TIE1: variants seen among roughly 807,000 people sequenced by gnomAD.
TIE1 encodes the protein tyrosine kinase with immunoglobulin like and EGF like domains 1.
Under a neutral mutation model 130.5 loss-of-function variants are expected in TIE1, and 89 were observed. That is an observed-to-expected ratio of 0.68 (90% confidence interval 0.57 to 0.81). TIE1 has a LOEUF of 0.81. Among genes scored for constraint, TIE1 ranks in the 40% least tolerant of loss-of-function variants. TIE1 has a pLI of 0.00. For synonymous variants in TIE1, 568 were observed against 629.4 expected (o/e 0.90, Z 1.46); for missense variants, 1,392 against 1,559.8 (o/e 0.89, Z 1.81).
chr1:43,307,623 C>T lies in TIE1; in HGVS notation c.913+51C>T. The T allele has an allele frequency of 6.2e-7, 1 of 1,612,636 alleles. No individual in the cohort carries two copies. On this transcript the variant is annotated intron_variant, in intron 6 of 22. Transcript: ENST00000372476. This position sits in a 1 kb window ranked among gnomAD's most constrained non-coding sequence, Gnocchi z 5.4. Reference sequence around the variant, plus strand: ...CCTGACCAAGACAGCTGGCCAGGAGCTTGACCCGGACCCTCCACTCTGCCT... The same window carrying T: ...CCTGACCAAGACAGCTGGCCAGGAGTTTGACCCGGACCCTCCACTCTGCCT...
Position 43,311,828 on chromosome 1 carries a change from G to T in TIE1, c.1491G>T (p.Val497=), listed in dbSNP as rs756232722. The T allele has an allele frequency of 6.2e-7, 1 of 1,612,632 alleles. No individual in the cohort carries two copies. The highest frequency in any genetic ancestry group is 8.5e-7 in the Non-Finnish European group (1 of 1,179,182). Reference sequence around the variant, plus strand: ...GTACCATGGACTGGTCGACCATTGTGGGTGAGTAGGGAGAGAGCTGGGGCA... The same window carrying T: ...GTACCATGGACTGGTCGACCATTGTTGGTGAGTAGGGAGAGAGCTGGGGCA... The part of the protein sequence containing the change: ...QDSTMDWSTI[V]VDPSENVTLM... Residue 497 remains valine (V), a splice_region_variant and synonymous_variant, in exon 10 of 23, where the codon GTG becomes GTT. Transcript: ENST00000372476.
rs770612662 is a variant in TIE1, at chr1:43,316,155, G to A, written c.2410-1044G>A. Among the ~76,000 whole-genome samples, 29 of 152,208 alleles carry A rather than the reference G, an allele frequency of 1.9e-4. No homozygotes were observed. Among genetic ancestry groups the A allele is most frequent in the Non-Finnish European group, 3.2e-4 (22 of 68,032 alleles). On this transcript the variant is annotated intron_variant, in intron 14 of 22. Coordinates refer to ENST00000372476, the MANE Select transcript of TIE1 (RefSeq NM_005424.5). The surrounding 1 kb of genome is among the most constrained non-coding windows in gnomAD (Gnocchi z 4.4). ...GTGTGCTCCATGTATGAGTGCACACGTGCATCCCCTGTGAGTGCCACATGT... is the reference window on the plus strand; with the variant it reads ...GTGTGCTCCATGTATGAGTGCACACATGCATCCCCTGTGAGTGCCACATGT...
chr1:43,302,221 C>T (rs1646677628), intron 1 of TIE1, among the ~76,000 whole-genome samples: 1 of 152,204 alleles, frequency 6.6e-6, no homozygotes, highest in Non-Finnish European at 1.5e-5. Flanking sequence ...AGGCTGGCAA[C>T]ACCTAGTCTG....
At position 43,317,965 on chromosome 1, in the gene TIE1, C is replaced by G; in HGVS notation, c.2815C>G (p.Pro939Ala). Residue 939 changes from proline (P) to alanine (A), a missense_variant, in exon 17 of 23, where the codon CCA becomes GCA. By Grantham distance (27) the Pro-to-Ala change is conservative. Coordinates refer to ENST00000372476, the MANE Select transcript of TIE1 (RefSeq NM_005424.5). The surrounding 1 kb of genome is among the most constrained non-coding windows in gnomAD (Gnocchi z 5.1). ...LRKSRVLETD[P>A]AFAREHGTAS... ...GAAAAGCCGGGTCCTAGAGACTGAC[C>G]CAGCTTTTGCTCGAGAGCATGGGAC... 6.2e-7 allele frequency: 1 copy of G among 1,613,358 alleles called. No homozygotes were observed. Among genetic ancestry groups the G allele is most frequent in the African/African-American group, 1.3e-5 (1 of 75,030 alleles).
rs373190618 is a variant in TIE1 at position 43,313,739 on chromosome 1, C to G, written c.2219-39C>G. The G allele has an allele frequency of 1.3e-6, 2 of 1,576,992 alleles. No homozygotes were observed. The highest frequency in any genetic ancestry group is 1.7e-6 in the Non-Finnish European group (2 of 1,159,806). On this transcript the variant is annotated intron_variant, in intron 13 of 22. Coordinates refer to ENST00000372476, the MANE Select transcript of TIE1 (RefSeq NM_005424.5). The surrounding 1 kb of genome is among the most constrained non-coding windows in gnomAD (Gnocchi z 6.2). ...CATGGTGGCCTCTGGGTTCCCTGAC[C>G]CAGGTGTCCCCACAATCTGCCCCTC... is the stretch of plus-strand genomic sequence containing the variant.
chr1:43,319,324 G>T lies in TIE1; in HGVS notation c.3012G>T (p.Glu1004Asp), dbSNP rs1230248743. The T allele has an allele frequency of 6.2e-7, 1 of 1,614,068 alleles. No homozygotes were observed. The highest frequency in any genetic ancestry group is 8.5e-7 in the Non-Finnish European group (1 of 1,179,978). The part of the protein sequence containing the change: ...KIADFGLSRG[E>D]EVYVKKTMGR... The stretch of plus-strand genomic sequence containing the variant: ...CAGACTTCGGCCTTTCTCGGGGAGA[G>T]GAGGTTTATGTGAAGAAGACGATGG... Residue 1004 changes from glutamate to aspartate, a missense_variant, in exon 18 of 23, where the codon GAG becomes GAT. By Grantham distance (45) the Glu-to-Asp change is conservative. Around this residue, in one of 6 missense-constraint regions of TIE1, gnomAD observed 286 missense variants for 354.4 expected, o/e 0.81. Coordinates refer to ENST00000372476, the MANE Select transcript of TIE1 (RefSeq NM_005424.5). The surrounding 1 kb of genome is among the most constrained non-coding windows in gnomAD (Gnocchi z 4.7).
Position 43,312,299 on chromosome 1 carries a change from C to T in TIE1, c.1631-6C>T. 6.5e-7 allele frequency: 1 copy of T among 1,545,310 alleles called. No homozygotes were observed. Among genetic ancestry groups the T allele is most frequent in the Non-Finnish European group, 8.7e-7 (1 of 1,143,908 alleles). On this transcript the variant is annotated splice_polypyrimidine_tract_variant and splice_region_variant and intron_variant, in intron 11 of 22. Coordinates refer to ENST00000372476, the MANE Select transcript of TIE1 (RefSeq NM_005424.5). The surrounding 1 kb of genome is among the most constrained non-coding windows in gnomAD (Gnocchi z 5.6). ...GACAGTTCTGACCCCTGACCTCTGGCCCCAGAGCCTTTGTTGCAGCCGTGG... is the reference window on the plus strand; with the variant it reads ...GACAGTTCTGACCCCTGACCTCTGGTCCCAGAGCCTTTGTTGCAGCCGTGG...
At chr1:43,305,446 C>A in intron 3 of TIE1, 103 bp downstream of exon 3, 2 of 1,103,560 alleles carry the variant, frequency 1.8e-6, no homozygotes, top group South Asian at 3.3e-5. Context: ...CCTGACACAC[C>A]CGACCTCCAG....
chr1:43,307,827 C>A lies in TIE1; in HGVS notation c.945C>A (p.Cys315Ter), dbSNP rs756651223. The change falls in exon 7 of 23, where the codon TGC (cysteine) becomes TGA (stop). Residue 315 changes from cysteine (C) to a stop codon, truncating the protein, a stop_gained. Coordinates refer to ENST00000372476, the MANE Select transcript of TIE1 (RefSeq NM_005424.5). LOFTEE classifies it high-confidence loss of function. The surrounding 1 kb of genome is among the most constrained non-coding windows in gnomAD (Gnocchi z 5.4). ...CCCCTGGTCATTTTGGGGCTGATTG[C>A]CGACTCCAGTGCCAGTGTCAGAATG... ...ACAPGHFGAD[C>*]RLQCQCQNGG... is the part of the protein sequence containing the mutation. 42 of 1,614,026 alleles carry A rather than the reference C, an allele frequency of 2.6e-5. No homozygotes were observed. Among genetic ancestry groups the A allele is most frequent in the Non-Finnish European group, 3.6e-5 (42 of 1,180,024 alleles).
chr1:43,311,129 A>G (rs1570439314), intron 9 of TIE1, among the ~76,000 whole-genome samples: 1 of 152,286 alleles, frequency 6.6e-6, no homozygotes, highest in Non-Finnish European at 1.5e-5. Context: ...ACATGGCTGT[A>G]TCTCCTTCTA....
rs900366329 is a variant in TIE1, at chr1:43,317,145, C to T, written c.2410-54C>T. The T allele has an allele frequency of 6.9e-6, 11 of 1,584,218 alleles. No homozygotes were observed. The highest frequency in any genetic ancestry group is 4.0e-5 in the African/African-American group (3 of 74,458). Reference sequence around the variant, plus strand: ...TCGTGTGCCTGTCTGTGCCTCCTTCCGCCCCCTTTGACTCTTGCGTGGACC... The same window carrying T: ...TCGTGTGCCTGTCTGTGCCTCCTTCTGCCCCCTTTGACTCTTGCGTGGACC... On this transcript the variant is annotated intron_variant, in intron 14 of 22. Coordinates refer to ENST00000372476, the MANE Select transcript of TIE1 (RefSeq NM_005424.5). This position sits in a 1 kb window ranked among gnomAD's most constrained non-coding sequence, Gnocchi z 5.1.
intron 9 of TIE1, among the ~76,000 whole-genome samples, chr1:43,310,910 C>T (rs949470673): frequency 3.3e-5 from 5 of 152,094 alleles, no homozygotes; most frequent in Non-Finnish European, 5.9e-5. Flanking sequence ...TTCCTTCCTT[C>T]CTTTCCTCTC....
rs371574201 is a variant in TIE1, at chr1:43,321,601, A to G, written c.3246-15A>G. 1.3e-6 allele frequency: 2 copies of G among 1,554,450 alleles called. No homozygotes were observed. Among genetic ancestry groups the G allele is most frequent in the Non-Finnish European group, 1.7e-6 (2 of 1,148,608 alleles). On this transcript the variant is annotated splice_polypyrimidine_tract_variant and intron_variant, in intron 21 of 22. Coordinates refer to ENST00000372476, the MANE Select transcript of TIE1 (RefSeq NM_005424.5). ...AGCTGGCCTGACTCCTCATCTCAGC[A>G]ATGCCCCCTCGCAGGTACGAGCTGA...
In TIE1 at chr1:43,317,373, G is replaced by T. The variant is rs1646869126; in HGVS notation, c.2584G>T (p.Gly862Trp). The T allele has an allele frequency of 6.2e-7, 1 of 1,614,068 alleles. No homozygotes were observed. Among genetic ancestry groups the T allele is most frequent in the African/African-American group, 1.3e-5 (1 of 74,994 alleles). Reference protein sequence around the residue: ...QVIRAMIKKDGLKMNAAIKML... With the variant: ...QVIRAMIKKDWLKMNAAIKML... The stretch of plus-strand genomic sequence containing the variant: ...CATCCGGGCCATGATCAAGAAGGAC[G>T]GGCTGAAGATGAACGCAGCCATCAA... Residue 862 changes from glycine to tryptophan, a missense_variant, in exon 15 of 23, where the codon GGG becomes TGG. This residue lies in a region of TIE1 where 286 missense variants were observed against 354.4 expected (regional missense o/e 0.81). Coordinates refer to ENST00000372476, the MANE Select transcript of TIE1 (RefSeq NM_005424.5). The surrounding 1 kb of genome is among the most constrained non-coding windows in gnomAD (Gnocchi z 5.1).
chr1:43,308,345 A>G lies in TIE1; in HGVS notation c.1042+421A>G, dbSNP rs111494871. 6.5e-3 allele frequency among the ~76,000 whole-genome samples: 960 copies of G among 148,814 alleles called. 7 individuals are homozygous for G. The highest frequency in any genetic ancestry group is 0.021 in the African/African-American group (833 of 39,520). On this transcript the variant is annotated intron_variant, in intron 7 of 22. Transcript: ENST00000372476. Reference sequence around the variant, plus strand: ...TCAGGTTTGGGTGCCAGGACAGTGGAGTAGGGGACCCAGGGATTGGGGACT... The same window carrying G: ...TCAGGTTTGGGTGCCAGGACAGTGGGGTAGGGGACCCAGGGATTGGGGACT...
In TIE1 at chr1:43,315,969, G is replaced by C. The variant is rs184354448; in HGVS notation, c.2410-1230G>C. On this transcript the variant is annotated intron_variant, in intron 14 of 22. Transcript: ENST00000372476. The surrounding 1 kb of genome is among the most constrained non-coding windows in gnomAD (Gnocchi z 4.4). Reference sequence around the variant, plus strand: ...AACTACTCGGGAGGCTGAGGTGGGAGGATTGCCTGTGCCCAAAAGCTCGAG... The same window carrying C: ...AACTACTCGGGAGGCTGAGGTGGGACGATTGCCTGTGCCCAAAAGCTCGAG... 6.4e-3 allele frequency among the ~76,000 whole-genome samples: 979 copies of C among 152,344 alleles called. 5 individuals are homozygous for C. The highest frequency in any genetic ancestry group is 9.2e-3 in the Non-Finnish European group (629 of 68,036).
Position 43,309,143 on chromosome 1 carries a change from A to G in TIE1, c.1188+12A>G, listed in dbSNP as rs367582329. 8.3e-5 allele frequency: 131 copies of G among 1,580,286 alleles called. No individual in the cohort carries two copies. In the African/African-American group the frequency reaches 8.9e-4, roughly 11 times the overall value. ...GCACTGTGCTCCTGGTCAGCCCCCAATCACCCCAACCCACCAGCCCCTCAG... is the reference window on the plus strand; with the variant it reads ...GCACTGTGCTCCTGGTCAGCCCCCAGTCACCCCAACCCACCAGCCCCTCAG... On this transcript the variant is annotated intron_variant, in intron 8 of 22. Coordinates refer to ENST00000372476, the MANE Select transcript of TIE1 (RefSeq NM_005424.5). The surrounding 1 kb of genome is among the most constrained non-coding windows in gnomAD (Gnocchi z 6.3).
chr1:43,301,900 A>G (rs1010941694), intron 1 of TIE1, among the ~76,000 whole-genome samples: 1 of 152,212 alleles, frequency 6.6e-6, no homozygotes, highest in Non-Finnish European at 1.5e-5. Context: ...TTTATTTTAT[A>G]TGCATTTCAC....
rs1646707765 is a variant in TIE1, at chr1:43,304,853, G to A, written c.61G>A (p.Ala21Thr). Reference sequence around the variant, plus strand: ...AGTCACTGGTGTCCTGGCCCCAGGCGCGGCGGTGGACCTGACGCTGCTGGC... The same window carrying A: ...AGTCACTGGTGTCCTGGCCCCAGGCACGGCGGTGGACCTGACGCTGCTGGC... ...PILFLASHVG[A>T]AVDLTLLANL... Residue 21 changes from alanine to threonine, a missense_variant and splice_region_variant, in exon 2 of 23, where the codon GCG becomes ACG. Ala to Thr is a moderately conservative substitution (Grantham distance 58, BLOSUM62 0). Coordinates refer to ENST00000372476, the MANE Select transcript of TIE1 (RefSeq NM_005424.5). 2 of 1,417,626 alleles carry A rather than the reference G, an allele frequency of 1.4e-6. No individual in the cohort carries two copies. The highest frequency in any genetic ancestry group is 1.8e-6 in the Non-Finnish European group (2 of 1,092,534). 87.8% of individuals were successfully genotyped at this position (1,417,626 alleles called of 1,614,324 possible). A position where few individuals can be genotyped will look rare whatever the true frequency, so the allele number is the denominator to read the frequency against.
Sources: allele counts gnomAD v4.1 joint callset (sites outside exome capture counted in the v4.1 genomes callset), GRCh38; gene constraint gnomAD v4.1.1; regional missense constraint gnomAD v4.1.1; non-coding constraint Gnocchi (gnomAD v3.1); transcripts MANE v1.5; gene names NCBI Gene and HGNC (gene_info 2026-07-23, HGNC 2026-07-21).